The following ANO10 variants were observed in gnomAD, a reference collection of about 807,000 sequenced individuals.
ANO10 encodes the protein anoctamin-10.
Under a neutral mutation model 74.7 loss-of-function variants are expected in ANO10, and 77 were observed. The ratio of observed to expected loss-of-function variants is 1.03; its 90% CI spans 0.86 to 1.25. The LOEUF (loss-of-function observed/expected upper bound fraction) is 1.25, where lower values mean the gene tolerates loss of function less well. Ranked by LOEUF, ANO10 falls within the 50% of genes most tolerant of loss-of-function variation. ANO10 has a pLI of 0.00. For synonymous variants in ANO10, 279 were observed against 284.9 expected (o/e 0.98, Z 0.21); for missense variants, 721 against 778.1 (o/e 0.93, Z 0.87).
intron 11 of ANO10, among the ~76,000 whole-genome samples, chr3:43,535,378 C>G (rs1038156404): frequency 6.7e-6 from 1 of 149,980 alleles, no homozygotes; most frequent in African/African-American, 2.5e-5. Flanking sequence ...AGGGTTCAAG[C>G]GATTCTCCTG....
intron 12 of ANO10, among the ~76,000 whole-genome samples, chr3:43,407,577 C>A (rs1002835885): frequency 6.6e-6 from 1 of 152,252 alleles, no homozygotes; most frequent in South Asian, 2.1e-4. Flanking sequence ...ATCACCAGGT[C>A]AAGGAGAATG....
intron 11 of ANO10, among the ~76,000 whole-genome samples, chr3:43,451,347 A>G (rs1559557235): frequency 6.6e-6 from 1 of 152,180 alleles, no homozygotes; most frequent in Non-Finnish European, 1.5e-5. Flanking sequence ...GGGATGGAAA[A>G]TAATAACCTG....
At chr3:43,501,126 AC>A (rs533228234) in intron 11 of ANO10, among the ~76,000 whole-genome samples, 1 of 152,350 alleles carries the variant, frequency 6.6e-6, no homozygotes, top group Admixed American at 6.5e-5. Flanking sequence ...TTCAGGCTGT[AC>A]AAGAAGCATG....
At chr3:43,414,968 T>C (rs892389065) in intron 12 of ANO10, among the ~76,000 whole-genome samples, 2 of 59,966 alleles carry the variant, frequency 3.3e-5, no homozygotes, top group African/African-American at 1.2e-4. Context: ...GTCATTGTGC[T>C]TTTTTTTTTT....
At chr3:43,471,735 T>C (rs190953671) in intron 11 of ANO10, among the ~76,000 whole-genome samples, 199 of 152,272 alleles carry the variant, frequency 1.3e-3, no homozygotes, top group Non-Finnish European at 2.2e-3. Context: ...ATAGTGCCAC[T>C]GCACTCCAGC....
intron 11 of ANO10, among the ~76,000 whole-genome samples, chr3:43,525,564 T>C (rs1006189694): frequency 6.6e-6 from 1 of 152,190 alleles, no homozygotes; most frequent in Non-Finnish European, 1.5e-5. Flanking sequence ...GTTAACCCCA[T>C]GGTCAGAGGC....
intron 11 of ANO10, among the ~76,000 whole-genome samples, chr3:43,439,994 A>G (rs1429100430): frequency 6.6e-6 from 1 of 152,194 alleles, no homozygotes; most frequent in Admixed American, 6.5e-5. Flanking sequence ...ACTATAAGAT[A>G]TTTTATGTAA....
intron 1 of ANO10, among the ~76,000 whole-genome samples, chr3:43,662,862 C>T (rs776163603): frequency 6.6e-5 from 10 of 152,058 alleles, no homozygotes; most frequent in Non-Finnish European, 1.3e-4. Flanking sequence ...AAGCTCTGAA[C>T]AGACCAATAA....
intron 1 of ANO10, among the ~76,000 whole-genome samples, chr3:43,655,455 C>G (rs779794631): frequency 6.6e-6 from 1 of 152,132 alleles, no homozygotes; most frequent in African/African-American, 2.4e-5. Context: ...TTGCAAAGAG[C>G]GAAAGAACAA....
At chr3:43,375,987 C>T (rs1269150960) in intron 12 of ANO10, among the ~76,000 whole-genome samples, 1 of 152,124 alleles carries the variant, frequency 6.6e-6, no homozygotes, top group Non-Finnish European at 1.5e-5. Flanking sequence ...AAAGGTGTGA[C>T]CTGGAGGAAA....
chr3:43,683,469 A>G lies in ANO10; in HGVS notation c.-12+8048T>C, dbSNP rs562844368. ...GGAAGAACATTCCATGCTCATGGCTAGGAAGAATCAATATCATGAAAATGG... is the reference window on the plus strand; with the variant it reads ...GGAAGAACATTCCATGCTCATGGCTGGGAAGAATCAATATCATGAAAATGG... On this transcript the variant is annotated intron_variant, in intron 1 of 3. Transcript: ENST00000413397. Among the ~76,000 whole-genome samples the G allele has an allele frequency of 9.7e-4, 148 of 152,368 alleles. 1 individual carries two copies. The highest frequency in any genetic ancestry group is 3.4e-3 in the African/African-American group (142 of 41,584).
At chr3:43,576,349 T>G (rs1260053021) in intron 6 of ANO10, among the ~76,000 whole-genome samples, 2 of 152,226 alleles carry the variant, frequency 1.3e-5, no homozygotes, top group African/African-American at 4.8e-5. Flanking sequence ...CTCCACTATT[T>G]GCTGTCTGAA....
chr3:43,564,898 C>A (rs904562921), intron 8 of ANO10, among the ~76,000 whole-genome samples: 1 of 152,146 alleles, frequency 6.6e-6, no homozygotes, highest in East Asian at 1.9e-4. Context: ...AGGAGACTCT[C>A]TAAAGCAGAA....
chr3:43,635,472 G>A (rs2083598381), intron 1 of ANO10, among the ~76,000 whole-genome samples: 1 of 152,212 alleles, frequency 6.6e-6, no homozygotes, highest in Admixed American at 6.5e-5. Flanking sequence ...CAAGTTCATG[G>A]CTGAAGATGA....
At chr3:43,531,335 C>T (rs1321380266) in intron 11 of ANO10, among the ~76,000 whole-genome samples, 1 of 152,128 alleles carries the variant, frequency 6.6e-6, no homozygotes, top group East Asian at 1.9e-4. Context: ...TCTATGTCAT[C>T]TTAATAGTGG....
At chr3:43,609,912 G>T (rs537367839) in intron 1 of ANO10, among the ~76,000 whole-genome samples, 123 of 152,242 alleles carry the variant, frequency 8.1e-4, no homozygotes, top group African/African-American at 2.9e-3. Context: ...TGAGTGAGTG[G>T]TTAGTGAATG....
At chr3:43,486,821 C>A (rs7621256) in intron 11 of ANO10, among the ~76,000 whole-genome samples, 7 of 150,760 alleles carry the variant, frequency 4.6e-5, no homozygotes, top group African/African-American at 1.5e-4. Flanking sequence ...ATGGCCCTGG[C>A]CAGAACTTCC....
intron 11 of ANO10, among the ~76,000 whole-genome samples, chr3:43,544,922 T>C (rs2079114225): frequency 1.3e-5 from 2 of 151,986 alleles, no homozygotes; most frequent in African/African-American, 2.4e-5. Flanking sequence ...TTGAGAACAT[T>C]AACACTCAAC....
intron 7 of ANO10, among the ~76,000 whole-genome samples, chr3:43,567,802 C>A (rs1222230963): frequency 6.6e-6 from 1 of 151,714 alleles, no homozygotes; most frequent in East Asian, 1.9e-4. Context: ...CAGCTAACAT[C>A]ATAATGACAG....
Sources: gnomAD v4.1 joint callset for allele counts (sites outside exome capture counted in the v4.1 genomes callset) on GRCh38, gnomAD v4.1.1 for gene constraint, MANE v1.5 for transcripts, NCBI Gene and HGNC (gene_info 2026-07-23, HGNC 2026-07-21) for gene names.